PSAT1: variants seen among roughly 807,000 people sequenced by gnomAD.
The protein encoded by PSAT1 is phosphoserine aminotransferase.
In PSAT1, 41 loss-of-function variants were observed where a neutral mutation model predicts 40.3. The ratio of observed to expected loss-of-function variants is 1.02; its 90% CI spans 0.79 to 1.32. The LOEUF (loss-of-function observed/expected upper bound fraction) is 1.32. Among genes scored for constraint, PSAT1 ranks in the 40% most tolerant of loss-of-function variants. The pLI is 0.00. For synonymous variants in PSAT1, 147 were observed against 170.5 expected (o/e 0.86, Z 1.07); for missense variants, 406 against 455.8 (o/e 0.89, Z 0.99).
intron 7 of PSAT1, among the ~76,000 whole-genome samples, chr9:78,326,934 AATATATAT>A (rs1210919066): frequency 9.6e-6 from 1 of 104,562 alleles, no homozygotes; most frequent in Non-Finnish European, 1.7e-5. Flanking sequence ...AAGTGACAGC[AATATATAT>A]ATATATATAT....
intron 2 of PSAT1, among the ~76,000 whole-genome samples, chr9:78,301,610 T>C (rs145997387): frequency 7.0e-4 from 107 of 152,296 alleles, no homozygotes; most frequent in African/African-American, 2.5e-3. Context: ...AATTTTGTGC[T>C]CCAGACCTAA....
intron 7 of PSAT1, among the ~76,000 whole-genome samples, chr9:78,323,441 G>A (rs1194851331): frequency 1.3e-5 from 2 of 152,062 alleles, no homozygotes; most frequent in African/African-American, 4.8e-5. Flanking sequence ...TTAGCCGGGT[G>A]TGGTGGTACA....
chr9:78,314,254 A>G (rs965773494), intron 6 of PSAT1, among the ~76,000 whole-genome samples: 2 of 141,006 alleles, frequency 1.4e-5, no homozygotes, highest in Non-Finnish European at 3.1e-5. Context: ...GGGGCTAGAC[A>G]TCAGTGCTCT....
chr9:78,315,107 G>A (rs1222474806), intron 6 of PSAT1, among the ~76,000 whole-genome samples: 6 of 152,154 alleles, frequency 3.9e-5, no homozygotes, highest in South Asian at 2.1e-4. Context: ...GCACACCCAC[G>A]TGCATGTGTG....
rs774107885 is a variant in PSAT1, at chr9:78,297,164, A to G, written c.-47A>G. 2.0e-5 allele frequency: 31 copies of G among 1,557,402 alleles called. No homozygotes were observed. The African/African-American group carries it at 3.4e-4, about 17-fold the overall frequency. ...CAGCGGCCAGGAACGCCAGCCGTTC[A>G]CGCGTTCGGTCCTCCTTGGCTGACT... is the stretch of plus-strand genomic sequence containing the variant. On this transcript the variant is annotated 5_prime_UTR_variant, in exon 1 of 9. Coordinates refer to ENST00000376588, the MANE Select transcript of PSAT1 (RefSeq NM_058179.4).
chr9:78,317,163 C>A (rs1425802458), intron 6 of PSAT1, among the ~76,000 whole-genome samples: 4 of 152,170 alleles, frequency 2.6e-5, no homozygotes, highest in African/African-American at 9.7e-5. Context: ...TTCTGAATGG[C>A]CCTCAGGGAT....
intron 1 of PSAT1, among the ~76,000 whole-genome samples, chr9:78,300,061 C>T (rs1191352757): frequency 6.6e-6 from 1 of 152,026 alleles, no homozygotes; most frequent in East Asian, 1.9e-4. Flanking sequence ...TGTAATGAAC[C>T]TCCAAGGACC....
intron 7 of PSAT1, among the ~76,000 whole-genome samples, chr9:78,323,335 C>G (rs1828455036): frequency 6.6e-6 from 1 of 152,066 alleles, no homozygotes; most frequent in African/African-American, 2.4e-5. Context: ...CTTTGGGAGG[C>G]CAAGGTGGGA....
In PSAT1 at chr9:78,300,644, G is replaced by A. The variant is rs1366409793; in HGVS notation, c.103G>A (p.Val35Ile). The change falls in exon 2 of 9, where the codon GTT becomes ATT. Residue 35 changes from valine to isoleucine, a missense_variant. Coordinates refer to ENST00000376588, the MANE Select transcript of PSAT1 (RefSeq NM_058179.4). Reference sequence around the variant, plus strand: ...AAAGGAATTATTAGACTACAAAGGAGTTGGCATTAGTGTTCTTGGTAAGAT... The same window carrying A: ...AAAGGAATTATTAGACTACAAAGGAATTGGCATTAGTGTTCTTGGTAAGAT... Reference protein sequence around the residue: ...IQKELLDYKGVGISVLEMSHR... With the variant: ...IQKELLDYKGIGISVLEMSHR... The A allele has an allele frequency of 2.5e-6, 4 of 1,583,298 alleles. No individual in the cohort carries two copies. The highest frequency in any genetic ancestry group is 2.2e-5 in the South Asian group (2 of 89,666).
chr9:78,302,464 C>T (rs188758209), intron 3 of PSAT1, among the ~76,000 whole-genome samples: 2 of 152,224 alleles, frequency 1.3e-5, no homozygotes, highest in East Asian at 3.9e-4. Flanking sequence ...CAAGGTGGCT[C>T]ATGCCTGTAA....
chr9:78,324,231 G>A (rs1323854996), intron 7 of PSAT1, among the ~76,000 whole-genome samples: 2 of 152,168 alleles, frequency 1.3e-5, no homozygotes, highest in Non-Finnish European at 1.5e-5. Flanking sequence ...CTGTTGAGAG[G>A]CTTCAGGAAG....
At chr9:78,313,814 T>TA (rs919321003) in intron 6 of PSAT1, among the ~76,000 whole-genome samples, 21 of 150,028 alleles carry the variant, frequency 1.4e-4, no homozygotes, top group East Asian at 3.9e-4. Context: ...CTGGCTACAT[T>TA]AAAAAAAAAA....
chr9:78,304,435 C>T lies in PSAT1; in HGVS notation c.192-300C>T, dbSNP rs150824650. On this transcript the variant is annotated intron_variant, in intron 3 of 8. Transcript: ENST00000376588. ...AGGGTTGACCACAGTTGAACCATGT[C>T]GACTGAGAGTGGCAGAGGGGTAATT... Among the ~76,000 whole-genome samples, 272 of 152,252 alleles carry T rather than the reference C, an allele frequency of 1.8e-3. 1 individual carries two copies. The highest frequency in any genetic ancestry group is 6.2e-3 in the African/African-American group (259 of 41,548).
At chr9:78,311,750 T>A (rs1165551808) in intron 6 of PSAT1, among the ~76,000 whole-genome samples, 1 of 152,070 alleles carries the variant, frequency 6.6e-6, no homozygotes, top group Non-Finnish European at 1.5e-5. Flanking sequence ...GAGAATCCCT[T>A]GAACCTGGGA....
intron 6 of PSAT1, among the ~76,000 whole-genome samples, chr9:78,313,548 C>T (rs141399847): frequency 5.4e-4 from 83 of 152,302 alleles, no homozygotes; most frequent in African/African-American, 1.9e-3. Context: ...TGAACTTTAC[C>T]ATACAAATTG....
intron 2 of PSAT1, among the ~76,000 whole-genome samples, chr9:78,301,395 G>A (rs1179446724): frequency 6.6e-6 from 1 of 152,144 alleles, no homozygotes; most frequent in Non-Finnish European, 1.5e-5. Context: ...CTCGCACATT[G>A]ATAATCTTAT....
At chr9:78,317,525 A>G in intron 6 of PSAT1, 151 bp from the exon 7 acceptor site, 1 of 983,402 alleles carries the variant, frequency 1.0e-6, no homozygotes. Flanking sequence ...TGTTGGGATT[A>G]CGGGCGTGAG....
At position 78,329,079 on chromosome 9, in the gene PSAT1, A is replaced by T. The variant is rs753080192; in HGVS notation, c.1106A>T (p.Gln369Leu). Residue 369 changes from glutamine (Q) to leucine (L), a missense_variant, in exon 9 of 9, where the codon CAG (glutamine) becomes CTG (leucine). By Grantham distance (113) the Gln-to-Leu change is moderately radical. Coordinates refer to ENST00000376588, the MANE Select transcript of PSAT1 (RefSeq NM_058179.4). ...ATGAAAAAATTTTTGGAGATGCATC[A>T]GCTATGAACACATCCTAACCAGGAT... ...AFMKKFLEMH[Q>L]L 1 of 1,605,874 alleles carries T rather than the reference A, an allele frequency of 6.2e-7. No homozygotes were observed. The highest frequency in any genetic ancestry group is 1.3e-5 in the African/African-American group (1 of 74,724).
Position 78,304,788 on chromosome 9 carries a change from A to T in PSAT1, c.245A>T (p.Gln82Leu). The T allele has an allele frequency of 6.2e-7, 1 of 1,614,190 alleles. No individual in the cohort carries two copies. The highest frequency in any genetic ancestry group is 8.5e-7 in the Non-Finnish European group (1 of 1,180,036). The change falls in exon 4 of 9, where the codon CAG becomes CTG. Residue 82 changes from glutamine to leucine, a missense_variant. Transcript: ENST00000376588. ...VIFLQGGGCG[Q>L]FSAVPLNLIG... is the part of the protein sequence containing the mutation. ...TTTCTGCAAGGAGGTGGGTGCGGCC[A>T]GTTCAGTGCTGTCCCCTTAAACCTC...
Sources: allele counts gnomAD v4.1 joint callset (sites outside exome capture counted in the v4.1 genomes callset), GRCh38; gene constraint gnomAD v4.1.1; transcripts MANE v1.5; gene names NCBI Gene and HGNC (gene_info 2026-07-23, HGNC 2026-07-21).